Variants in KCNQ2 observed in about 807,000 individuals in gnomAD.
KCNQ2 encodes potassium voltage-gated channel subfamily KQT member 2.
Under a neutral mutation model 84.8 loss-of-function variants are expected in KCNQ2, and 14 were observed. The observed-to-expected ratio is 0.17, with a 90% confidence interval of 0.11 to 0.26. KCNQ2 has a LOEUF of 0.26. Among genes scored for constraint, KCNQ2 ranks in the 10% least tolerant of loss-of-function variants. KCNQ2 has a pLI of 1.00. For missense variants in KCNQ2, 788 were observed against 1,254.0 expected (o/e 0.63, Z 5.61); for synonymous variants, 599 against 554.1 (o/e 1.08, Z -1.14).
At chr20:63,411,148 G>A in intron 15 of KCNQ2, 1 of 393,862 alleles carries the variant, frequency 2.5e-6, no homozygotes, top group Non-Finnish European at 5.1e-6. Context: ...GGAGCTGCTG[G>A]AGCGCACGCC....
chr20:63,454,984 G>A (rs535044990), intron 1 of KCNQ2, among the ~76,000 whole-genome samples: 2 of 152,342 alleles, frequency 1.3e-5, no homozygotes, highest in African/African-American at 4.8e-5. Context: ...GCCCACCACG[G>A]GGCACTCAGC....
chr20:63,442,335 G>C (rs796609196), intron 5 of KCNQ2, 71 bp downstream of exon 5: 2 of 1,611,024 alleles, frequency 1.2e-6, no homozygotes, highest in African/African-American at 1.3e-5. Flanking sequence ...CAGCCAGTGA[G>C]AGCCTGGTCC....
At chr20:63,431,783 G>A (rs1382314805) in intron 8 of KCNQ2, among the ~76,000 whole-genome samples, 1 of 152,186 alleles carries the variant, frequency 6.6e-6, no homozygotes, top group Non-Finnish European at 1.5e-5. Context: ...GCCAACTCAG[G>A]ATCCTCAAGA....
rs1446884813 is a variant in KCNQ2 at position 63,408,550 on chromosome 20, AGACCCCAAAGCAT to A, written c.1764-27_1764-15del. 3.1e-6 allele frequency: 5 copies of A among 1,610,316 alleles called. No homozygotes were observed. Among genetic ancestry groups the A allele is most frequent in the Non-Finnish European group, 3.4e-6 (4 of 1,179,144 alleles). On this transcript the variant is annotated splice_polypyrimidine_tract_variant and intron_variant, in intron 15 of 16. Coordinates refer to ENST00000359125, the MANE Select transcript of KCNQ2 (RefSeq NM_172107.4). This position sits in a 1 kb window ranked among gnomAD's most constrained non-coding sequence, Gnocchi z 5.0. The stretch of plus-strand genomic sequence containing the variant: ...ATCTGGTCCACTCTACCGGGAACAG[AGACCCCAAAGCAT>A]GAGTTCGGGTGGGTGCAGCAGGGCC...
At chr20:63,450,112 C>T (rs957767157) in intron 1 of KCNQ2, among the ~76,000 whole-genome samples, 1 of 149,986 alleles carries the variant, frequency 6.7e-6, no homozygotes, top group Non-Finnish European at 1.5e-5. Flanking sequence ...CTTACAGGCC[C>T]CTCACCCCGC....
chr20:63,452,025 C>A (rs374309133), intron 1 of KCNQ2, among the ~76,000 whole-genome samples: 1 of 152,240 alleles, frequency 6.6e-6, no homozygotes, highest in East Asian at 1.9e-4. Context: ...CGGGCACAGG[C>A]GGCCCGGCCA....
intron 1 of KCNQ2, among the ~76,000 whole-genome samples, chr20:63,466,952 G>A (rs775518267): frequency 2.0e-5 from 3 of 152,232 alleles, no homozygotes; most frequent in East Asian, 1.9e-4. Flanking sequence ...ACAGCCCCCC[G>A]TGAGGTAACA....
intron 8 of KCNQ2, among the ~76,000 whole-genome samples, chr20:63,432,169 G>GAT (rs2080824819): frequency 6.7e-6 from 1 of 148,172 alleles, no homozygotes; most frequent in African/African-American, 2.5e-5. Context: ...CTCAGGGAAG[G>GAT]CCACACCCAC....
At chr20:63,448,196 A>T (rs1349801579) in intron 1 of KCNQ2, 4 of 152,340 alleles carry the variant, frequency 2.6e-5, no homozygotes, top group East Asian at 3.9e-4. Context: ...AGAGAAACCC[A>T]CTTCGCAGGA....
At chr20:63,440,131 G>A (rs1335091956) in intron 5 of KCNQ2, among the ~76,000 whole-genome samples, 1 of 152,222 alleles carries the variant, frequency 6.6e-6, no homozygotes, top group Non-Finnish European at 1.5e-5. Context: ...TGAGGCCAGA[G>A]GAGAGGGGTG....
At chr20:63,442,997 A>G (rs1600773031) in intron 4 of KCNQ2, among the ~76,000 whole-genome samples, 4 of 86,544 alleles carry the variant, frequency 4.6e-5, no homozygotes, top group Admixed American at 1.2e-4. Context: ...TACCATCACC[A>G]TCACCACCAT....
chr20:63,418,891 C>T (rs1490785223), intron 12 of KCNQ2, among the ~76,000 whole-genome samples: 6 of 152,176 alleles, frequency 3.9e-5, no homozygotes, highest in Non-Finnish European at 8.8e-5. Context: ...AGGCCAGCAC[C>T]ACCGGCGGCA....
chr20:63,412,394 CCGCACACACA>C (rs1382180287), intron 15 of KCNQ2: 4 of 168,714 alleles, frequency 2.4e-5, no homozygotes, highest in African/African-American at 4.8e-5. Context: ...GGAGGGCGTT[CCGCACACACA>C]CGCACACGCA....
intron 1 of KCNQ2, among the ~76,000 whole-genome samples, chr20:63,458,131 T>C (rs1453381400): frequency 6.8e-6 from 1 of 145,992 alleles, no homozygotes; most frequent in Non-Finnish European, 1.5e-5. Flanking sequence ...GCCCCTGGCC[T>C]GGGGTCCCCT....
intron 4 of KCNQ2, among the ~76,000 whole-genome samples, chr20:63,444,198 G>A (rs753481143): frequency 6.6e-6 from 1 of 152,246 alleles, no homozygotes; most frequent in Non-Finnish European, 1.5e-5. Context: ...TGGGGGGCCT[G>A]GGGCCCCTGG....
chr20:63,451,137 CAAAAAA>C (rs58922723), intron 1 of KCNQ2, among the ~76,000 whole-genome samples: 4 of 110,042 alleles, frequency 3.6e-5, no homozygotes, highest in Admixed American at 1.8e-4. Context: ...GACTCTGTCC[CAAAAAA>C]AAAAAAAAAA....
chr20:63,426,191 T>C (rs2080629592), intron 10 of KCNQ2, among the ~76,000 whole-genome samples: 1 of 152,240 alleles, frequency 6.6e-6, no homozygotes, highest in South Asian at 2.1e-4. Flanking sequence ...TTTCTGCTGG[T>C]ATGAAACTCC....
At chr20:63,445,011 G>T (rs990164448) in intron 3 of KCNQ2, among the ~76,000 whole-genome samples, 177 bp from the exon 4 acceptor site, 1 of 152,228 alleles carries the variant, frequency 6.6e-6, no homozygotes, top group Non-Finnish European at 1.5e-5. Context: ...CACCCTGCCT[G>T]TGGGGCCCAG....
intron 12 of KCNQ2, among the ~76,000 whole-genome samples, chr20:63,419,021 G>A (rs1427783532): frequency 2.0e-5 from 3 of 152,172 alleles, no homozygotes; most frequent in African/African-American, 7.2e-5. Context: ...CAGCAGACAG[G>A]GGACGCGGGG....
Sources: allele counts gnomAD v4.1 joint callset (sites outside exome capture counted in the v4.1 genomes callset), GRCh38; gene constraint gnomAD v4.1.1; non-coding constraint Gnocchi (gnomAD v3.1); transcripts MANE v1.5; gene names NCBI Gene and HGNC (gene_info 2026-07-23, HGNC 2026-07-21).